The following MSR1 variants were observed in gnomAD, a reference collection of about 807,000 sequenced individuals.
MSR1 encodes the protein macrophage scavenger receptor types I and II.
In MSR1, 53 loss-of-function variants were observed where a neutral mutation model predicts 47.2. That is an observed-to-expected ratio of 1.12 (90% confidence interval 0.90 to 1.41). The LOEUF (loss-of-function observed/expected upper bound fraction) is 1.41. Ranked by LOEUF, MSR1 falls within the 40% of genes most tolerant of loss-of-function variation. MSR1 has a pLI of 0.00. For synonymous variants in MSR1, 239 were observed against 185.6 expected, an observed-to-expected ratio of 1.29 and a Z score of -2.34; for missense variants, 786 against 546.9, an observed-to-expected ratio of 1.44 and a Z score of -4.36.
At chr8:16,173,694 G>C (rs1214435568) in intron 3 of MSR1, among the ~76,000 whole-genome samples, 1 of 151,976 alleles carries the variant, frequency 6.6e-6, no homozygotes, top group Non-Finnish European at 1.5e-5. Flanking sequence ...GTCCCCTCAG[G>C]CTGGAGCACA....
At chr8:16,156,086 G>A (rs571994096) in intron 5 of MSR1, among the ~76,000 whole-genome samples, 1 of 151,818 alleles carries the variant, frequency 6.6e-6, no homozygotes, top group East Asian at 1.9e-4. Flanking sequence ...GGAGTACAGA[G>A]GACAAATAAT....
At chr8:16,127,327 T>G (rs1046228775) in intron 8 of MSR1, among the ~76,000 whole-genome samples, 1 of 152,110 alleles carries the variant, frequency 6.6e-6, no homozygotes, top group Non-Finnish European at 1.5e-5. Flanking sequence ...GAGTTACAAA[T>G]CATTCGCATT....
intron 8 of MSR1, among the ~76,000 whole-genome samples, chr8:16,133,334 T>G (rs897429521): frequency 5.9e-5 from 9 of 152,104 alleles, no homozygotes; most frequent in African/African-American, 1.9e-4. Flanking sequence ...TTAAAAATAT[T>G]TTGAGAGTGG....
chr8:16,172,009 T>C (rs575049969), intron 3 of MSR1, among the ~76,000 whole-genome samples: 2 of 152,326 alleles, frequency 1.3e-5, no homozygotes, highest in Admixed American at 1.3e-4. Context: ...ATGATTAATA[T>C]TTGGATTCAA....
Position 16,154,853 on chromosome 8 carries a change from A to G in MSR1, c.898+211T>C, listed in dbSNP as rs1339794901. On this transcript the variant is annotated intron_variant, in intron 6 of 9. Transcript: ENST00000262101. ...TCAACAGTCATGAGTAATGCTTATC[A>G]TTCAGTGTATTATGTGATTAGGCTA... Among the ~76,000 whole-genome samples, 3 of 151,868 alleles carry G rather than the reference A, an allele frequency of 2.0e-5. 1 individual carries two copies. Among genetic ancestry groups the G allele is most frequent in the Non-Finnish European group, 4.4e-5 (3 of 67,914 alleles).
At chr8:16,168,951 C>G in intron 3 of MSR1, 81 bp from the exon 4 acceptor site, 1 of 1,384,658 alleles carries the variant, frequency 7.2e-7, no homozygotes, top group Non-Finnish European at 1.0e-6. Flanking sequence ...CATTCCATTC[C>G]GTTCATTTTA....
intron 9 of MSR1, among the ~76,000 whole-genome samples, chr8:16,116,318 T>C (rs1034240395): frequency 6.6e-6 from 1 of 152,130 alleles, no homozygotes; most frequent in Admixed American, 6.5e-5. Flanking sequence ...AAATTTAAAC[T>C]TGCAATTTTT....
intron 1 of MSR1, among the ~76,000 whole-genome samples, chr8:16,184,970 C>T (rs866249206): frequency 2.0e-5 from 3 of 146,798 alleles, no homozygotes; most frequent in African/African-American, 7.8e-5. Context: ...CTATAAAATA[C>T]CCCTGACAGG....
At chr8:16,145,113 A>G (rs1220871924) in intron 7 of MSR1, among the ~76,000 whole-genome samples, 1 of 152,122 alleles carries the variant, frequency 6.6e-6, no homozygotes, top group Non-Finnish European at 1.5e-5. Context: ...ATTTAATGAA[A>G]TGCCAACCAT....
At chr8:16,147,291 G>C (rs7840152) in intron 7 of MSR1, among the ~76,000 whole-genome samples, 5,025 of 152,192 alleles carry the variant, frequency 0.033, 279 homozygotes, top group African/African-American at 0.11. Context: ...TTCAGTTGTA[G>C]ACTGTCTTAT....
At chr8:16,185,602 A>G (rs1277742454) in intron 1 of MSR1, among the ~76,000 whole-genome samples, 2 of 152,028 alleles carry the variant, frequency 1.3e-5, no homozygotes, top group Non-Finnish European at 2.9e-5. Context: ...TAAGACCCAT[A>G]TCTGACTGCA....
At position 16,139,313 on chromosome 8, in the gene MSR1, T is replaced by A. The variant is rs1800468419; in HGVS notation, c.1033+4245A>T. ...AGTTCAGAGAGATCACTGCGAAGCA[T>A]ACCTTACATCTTTAAAGGACTTTAT... On this transcript the variant is annotated intron_variant, in intron 8 of 9. Coordinates refer to ENST00000262101, the MANE Select transcript of MSR1 (RefSeq NM_138715.3). 3 of 982,616 alleles carry A rather than the reference T, an allele frequency of 3.1e-6. No individual in the cohort carries two copies. In the South Asian group the frequency reaches 1.4e-4, roughly 46 times the overall value. The allele number at this position is 982,616 out of a possible 1,614,324, so 60.9% of individuals were successfully genotyped here.
intron 4 of MSR1, among the ~76,000 whole-genome samples, chr8:16,167,381 C>T (rs1416639181): frequency 5.3e-5 from 8 of 152,108 alleles, no homozygotes; most frequent in African/African-American, 1.9e-4. Context: ...TCTGTCTCCA[C>T]TAAAAATACA....
At chr8:16,137,523 A>G (rs754456702) in intron 8 of MSR1, among the ~76,000 whole-genome samples, 36 of 152,240 alleles carry the variant, frequency 2.4e-4, no homozygotes, top group Non-Finnish European at 4.3e-4. Context: ...ATAAAAATAC[A>G]TAATACTAGT....
At chr8:16,146,694 T>G (rs1800708249) in intron 7 of MSR1, among the ~76,000 whole-genome samples, 1 of 152,178 alleles carries the variant, frequency 6.6e-6, no homozygotes, top group Non-Finnish European at 1.5e-5. Flanking sequence ...CTCTTCCATT[T>G]GCTACTTTGT....
At chr8:16,166,249 C>T (rs1801305583) in intron 4 of MSR1, among the ~76,000 whole-genome samples, 1 of 142,126 alleles carries the variant, frequency 7.0e-6, no homozygotes, top group Non-Finnish European at 1.5e-5. Flanking sequence ...CGGCTCCCTG[C>T]AACCTCCACC....
Position 16,140,313 on chromosome 8 carries a change from C to T in MSR1, c.1033+3245G>A, listed in dbSNP as rs73530310. On this transcript the variant is annotated intron_variant, in intron 8 of 9. Transcript: ENST00000262101. ...AAAGAAAAAAAAAAAGCCCTTGACT[C>T]AGTCTTTACTTTGATCAAAAATGCT... The T allele has an allele frequency of 6.5e-3, 6,374 of 984,814 alleles. 292 individuals carry two copies. In the African/African-American group the frequency reaches 0.1, roughly 16 times the overall value. 61.0% of individuals were successfully genotyped at this position (984,814 alleles called of 1,614,324 possible).
intron 2 of MSR1, among the ~76,000 whole-genome samples, chr8:16,176,916 A>T (rs934780064): frequency 6.6e-6 from 1 of 152,198 alleles, no homozygotes; most frequent in Non-Finnish European, 1.5e-5. Context: ...GTAAGAACTC[A>T]TATATGAGGC....
chr8:16,189,503 A>G (rs1400812237), intron 1 of MSR1, among the ~76,000 whole-genome samples: 1 of 97,196 alleles, frequency 1.0e-5, no homozygotes, highest in Non-Finnish European at 1.7e-5. Context: ...TATTTTATAT[A>G]TATTTTTATA....
Sources: allele counts gnomAD v4.1 joint callset (sites outside exome capture counted in the v4.1 genomes callset), GRCh38; gene constraint gnomAD v4.1.1; transcripts MANE v1.5; gene names NCBI Gene and HGNC (gene_info 2026-07-23, HGNC 2026-07-21).